Variants in MSR1 observed in about 807,000 individuals in gnomAD.
MSR1 encodes the protein macrophage scavenger receptor 1.
Under a neutral mutation model 47.2 loss-of-function variants are expected in MSR1, and 53 were observed. That is an observed-to-expected ratio of 1.12 (90% CI 0.90 to 1.41). The LOEUF (loss-of-function observed/expected upper bound fraction) is 1.41. MSR1 is among the 40% of genes most tolerant of loss of function. MSR1 has a pLI of 0.00. For missense variants in MSR1, 786 were observed against 546.9 expected (o/e 1.44, Z -4.36); for synonymous variants, 239 against 185.6 (o/e 1.29, Z -2.34).
At chr8:16,166,020 G>A (rs1162725381) in intron 4 of MSR1, among the ~76,000 whole-genome samples, 3 of 151,958 alleles carry the variant, frequency 2.0e-5, no homozygotes, top group African/African-American at 7.3e-5. Flanking sequence ...TAATTTAGGG[G>A]GCTAAAAATT....
At chr8:16,116,676 CT>C (rs1799882682) in intron 9 of MSR1, among the ~76,000 whole-genome samples, 1 of 152,146 alleles carries the variant, frequency 6.6e-6, no homozygotes, top group South Asian at 2.1e-4. Context: ...GAAATCCCTA[CT>C]TTATAGAGAT....
At chr8:16,174,778 G>A (rs1408973922) in intron 3 of MSR1, among the ~76,000 whole-genome samples, 1 of 151,952 alleles carries the variant, frequency 6.6e-6, no homozygotes, top group Non-Finnish European at 1.5e-5. Flanking sequence ...TGGACAACAG[G>A]CTTTTTTTTT....
intron 1 of MSR1, among the ~76,000 whole-genome samples, chr8:16,178,964 A>G (rs1374634868): frequency 6.6e-6 from 1 of 152,218 alleles, no homozygotes; most frequent in Non-Finnish European, 1.5e-5. Flanking sequence ...TTAAATTTGT[A>G]TATCTCTCAT....
At chr8:16,175,656 G>A (rs1369689725) in intron 2 of MSR1, among the ~76,000 whole-genome samples, 1 of 151,824 alleles carries the variant, frequency 6.6e-6, no homozygotes, top group African/African-American at 2.4e-5. Context: ...AAATATTCTG[G>A]GTGACAATAA....
At chr8:16,190,882 C>A (rs190551696) in intron 1 of MSR1, among the ~76,000 whole-genome samples, 321 of 151,960 alleles carry the variant, frequency 2.1e-3, no homozygotes, top group African/African-American at 7.4e-3. Context: ...CCACCACGCC[C>A]GGCTAATTTT....
intron 1 of MSR1, among the ~76,000 whole-genome samples, chr8:16,189,929 T>C (rs1479620545): frequency 6.8e-6 from 1 of 147,894 alleles, no homozygotes; most frequent in Non-Finnish European, 1.5e-5. Flanking sequence ...TTTTTTTTTT[T>C]TTTGAGATTG....
At chr8:16,144,762 TA>T (rs1422895633) in intron 7 of MSR1, among the ~76,000 whole-genome samples, 7 of 152,130 alleles carry the variant, frequency 4.6e-5, no homozygotes, top group African/African-American at 1.7e-4. Context: ...TAGTTCTTCT[TA>T]TTCCTATTCT....
chr8:16,175,114 G>T, intron 3 of MSR1, 73 bp downstream of exon 3: 1 of 1,177,262 alleles, frequency 8.5e-7, no homozygotes, highest in Non-Finnish European at 1.3e-6. Context: ...AAGACTGAAT[G>T]CTTCTTTTTT....
intron 8 of MSR1, among the ~76,000 whole-genome samples, chr8:16,124,384 G>A (rs1006116243): frequency 4.6e-5 from 7 of 152,136 alleles, no homozygotes; most frequent in Admixed American, 2.0e-4. Flanking sequence ...CATAGTAGAC[G>A]AGAATGATAG....
chr8:16,179,118 GTA>G (rs1801748418), intron 1 of MSR1, among the ~76,000 whole-genome samples: 1 of 152,114 alleles, frequency 6.6e-6, no homozygotes. Flanking sequence ...GGAAAAAGAG[GTA>G]TCTCTTCTTT....
chr8:16,183,897 TTA>T (rs57992683), intron 1 of MSR1, among the ~76,000 whole-genome samples: 11,426 of 142,626 alleles, frequency 0.08, 884 homozygotes, highest in East Asian at 0.42. Context: ...TAATATATAA[TTA>T]TATATATATA....
rs542819272 is a variant in MSR1 at position 16,178,204 on chromosome 8, A to T, written c.-4-212T>A. On this transcript the variant is annotated intron_variant, in intron 1 of 9. Transcript: ENST00000262101. ...TACCATGTTGGTGTGCTGCACCCACAAACTCGTCATCTAACACTAGGTATA... is the reference window on the plus strand; with the variant it reads ...TACCATGTTGGTGTGCTGCACCCACTAACTCGTCATCTAACACTAGGTATA... Among the ~76,000 whole-genome samples the T allele has an allele frequency of 2.0e-5, 3 of 151,850 alleles. No homozygotes were observed. The South Asian group carries it at 6.2e-4, about 32-fold the overall frequency.
chr8:16,192,339 A>G (rs1354332795), intron 1 of MSR1, among the ~76,000 whole-genome samples: 1 of 152,188 alleles, frequency 6.6e-6, no homozygotes, highest in Non-Finnish European at 1.5e-5. Context: ...CAAAGCATTT[A>G]GTGTATTTCA....
At chr8:16,188,437 C>T (rs534770829) in intron 1 of MSR1, among the ~76,000 whole-genome samples, 28 of 152,102 alleles carry the variant, frequency 1.8e-4, no homozygotes, top group East Asian at 5.8e-4. Context: ...TTTGGTATTA[C>T]GCGTTTTCCT....
At chr8:16,156,608 C>T (rs1801017739) in intron 5 of MSR1, among the ~76,000 whole-genome samples, 2 of 151,864 alleles carry the variant, frequency 1.3e-5, no homozygotes, top group Admixed American at 6.6e-5. Flanking sequence ...TTATAGGAAA[C>T]ATAAAAGCCT....
intron 8 of MSR1, among the ~76,000 whole-genome samples, chr8:16,142,620 A>G (rs960999840): frequency 6.6e-6 from 1 of 152,200 alleles, no homozygotes; most frequent in Non-Finnish European, 1.5e-5. Context: ...TTAGGTTAAA[A>G]TAATTAGGTT....
chr8:16,143,246 A>G (rs1344918763), intron 8 of MSR1, among the ~76,000 whole-genome samples: 2 of 152,140 alleles, frequency 1.3e-5, no homozygotes, highest in East Asian at 3.9e-4. Flanking sequence ...TCTATGCATA[A>G]GCTTGATTTT....
intron 3 of MSR1, among the ~76,000 whole-genome samples, chr8:16,170,297 G>A (rs1488235425): frequency 1.3e-5 from 2 of 151,506 alleles, no homozygotes; most frequent in African/African-American, 4.9e-5. Flanking sequence ...GCAGTGAGCC[G>A]AGATCACGCC....
intron 1 of MSR1, among the ~76,000 whole-genome samples, chr8:16,178,629 A>G (rs1801732178): frequency 6.6e-6 from 1 of 152,170 alleles, no homozygotes; most frequent in African/African-American, 2.4e-5. Flanking sequence ...CAGTAATGGG[A>G]TGGCTGGGTC....
Sources: allele counts gnomAD v4.1 joint callset (sites outside exome capture counted in the v4.1 genomes callset), GRCh38; gene constraint gnomAD v4.1.1; transcripts MANE v1.5; gene names NCBI Gene and HGNC (gene_info 2026-07-23, HGNC 2026-07-21).